FOXF2: variants seen among roughly 807,000 people sequenced by gnomAD.
The protein encoded by FOXF2 is forkhead box F2.
A neutral mutation model predicts 29.1 loss-of-function variants in FOXF2; 15 were observed. The observed-to-expected ratio is 0.52, with a 90% CI of 0.35 to 0.79. FOXF2 has a LOEUF of 0.79. FOXF2 is among the 30% of genes least tolerant of loss of function. FOXF2 has a pLI of 0.01. For missense variants in FOXF2, 675 were observed against 667.1 expected (o/e 1.01, Z -0.13); for synonymous variants, 337 against 316.5 (o/e 1.06, Z -0.69).
chr6:1,391,176 C>T (rs1239413584), intron 1 of FOXF2, 58 bp downstream of exon 1: 1 of 1,582,778 alleles, frequency 6.3e-7, no homozygotes, highest in African/African-American at 1.3e-5. Context: ...GCCTCCAGGG[C>T]TGGCGGCCAC....
In FOXF2 at chr6:1,390,805, C is replaced by T. The variant is rs1177620124; in HGVS notation, c.858C>T (p.Ala286=). 2.9e-6 allele frequency: 4 copies of T among 1,388,362 alleles called. No homozygotes were observed. The highest frequency in any genetic ancestry group is 3.7e-6 in the Non-Finnish European group (4 of 1,083,652). 86.0% of individuals were successfully genotyped at this position (1,388,362 alleles called of 1,614,324 possible). A position where few individuals can be genotyped will look rare whatever the true frequency, so the allele number is the denominator to read the frequency against. ...MSPNPGSTYM[A]SCPVPAGPGG... ...CCAACCCGGGTTCCACCTACATGGCCAGCTGCCCGGTGCCCGCGGGACCCG... is the reference window on the plus strand; with the variant it reads ...CCAACCCGGGTTCCACCTACATGGCTAGCTGCCCGGTGCCCGCGGGACCCG... The change falls in exon 1 of 2, where the codon GCC becomes GCT. Residue 286 remains alanine (A), a synonymous_variant. Transcript: ENST00000645481. This position sits in a 1 kb window ranked among gnomAD's most constrained non-coding sequence, Gnocchi z 8.5.
chr6:1,393,842 G>A (rs1417085771), intron 1 of FOXF2, among the ~76,000 whole-genome samples: 1 of 152,204 alleles, frequency 6.6e-6, no homozygotes, highest in Non-Finnish European at 1.5e-5. Flanking sequence ...ATTGCGCCCC[G>A]GGGCCAGGAG....
rs777367099 is a variant in FOXF2 at position 1,390,010 on chromosome 6, C to A, written c.63C>A (p.Gly21=). The A allele has an allele frequency of 7.2e-5, 82 of 1,144,752 alleles. 1 individual carries two copies. In the South Asian group the frequency reaches 9.5e-4, roughly 13 times the overall value. 70.9% of individuals were successfully genotyped at this position (1,144,752 alleles called of 1,614,324 possible). The change falls in exon 1 of 2, where the codon GGC becomes GGA. Residue 21 remains glycine (G), a synonymous_variant. Coordinates refer to ENST00000645481, the MANE Select transcript of FOXF2 (RefSeq NM_001452.2). The surrounding 1 kb of genome is among the most constrained non-coding windows in gnomAD (Gnocchi z 8.5). Reference sequence around the variant, plus strand: ...GCCGCGCGTGCAGCCCGGTCCCCGGCGCGCTCCAGGCCGCCCTGATGAGCC... The same window carrying A: ...GCCGCGCGTGCAGCCCGGTCCCCGGAGCGCTCCAGGCCGCCCTGATGAGCC... ...PLRRACSPVP[G]ALQAALMSPP... is the part of the protein sequence containing the mutation.
Position 1,390,979 on chromosome 6 carries a change from C to A in FOXF2, c.1032C>A (p.Gly344=). ...CTGCGGCGCACTGGAGCTCGCCTGGCGCCTCGCCTTACCTCAAGCAGCCGC... is the reference window on the plus strand; with the variant it reads ...CTGCGGCGCACTGGAGCTCGCCTGGAGCCTCGCCTTACCTCAAGCAGCCGC... ...TSPAAHWSSP[G]ASPYLKQPPA... The change falls in exon 1 of 2, where the codon GGC becomes GGA. Residue 344 remains glycine, a synonymous_variant. Transcript: ENST00000645481. This position sits in a 1 kb window ranked among gnomAD's most constrained non-coding sequence, Gnocchi z 8.5. The A allele has an allele frequency of 1.9e-6, 3 of 1,595,022 alleles. No homozygotes were observed. The highest frequency in any genetic ancestry group is 2.5e-6 in the Non-Finnish European group (3 of 1,177,646).
chr6:1,395,180 G>C lies in FOXF2; in HGVS notation c.*321G>C. The C allele has an allele frequency of 2.6e-6, 1 of 389,590 alleles. No individual in the cohort carries two copies. Among genetic ancestry groups the C allele is most frequent in the Non-Finnish European group, 4.8e-6 (1 of 208,900 alleles). 24.1% of individuals were successfully genotyped at this position (389,590 alleles called of 1,614,324 possible). On this transcript the variant is annotated 3_prime_UTR_variant, in exon 2 of 2. Coordinates refer to ENST00000645481, the MANE Select transcript of FOXF2 (RefSeq NM_001452.2). ...GGATCTTCGTTGCCTTCAGTAATCA[G>C]GGTGTGAAAAAAGCAGACAAGTTGT...
rs1411560832 is a variant in FOXF2 at position 1,390,202 on chromosome 6, C to G, written c.255C>G (p.Ser85Arg). ...SAGGGGAGAGSGGAKKASSGL... is the reference protein window; with the variant it reads ...SAGGGGAGAGRGGAKKASSGL... ...GCGGCGGCGGCGCGGGCGCCGGGAGCGGGGGCGCCAAGAAGGCGAGCTCGG... is the reference window on the plus strand; with the variant it reads ...GCGGCGGCGGCGCGGGCGCCGGGAGGGGGGGCGCCAAGAAGGCGAGCTCGG... The change falls in exon 1 of 2, where the codon AGC becomes AGG. Residue 85 changes from serine (S) to arginine (R), a missense_variant. Physicochemically the swap from Ser to Arg is moderately radical, Grantham distance 110. This residue lies in a region of FOXF2 where 220 missense variants were observed against 205.5 expected (regional missense o/e 1.07). Coordinates refer to ENST00000645481, the MANE Select transcript of FOXF2 (RefSeq NM_001452.2). This position sits in a 1 kb window ranked among gnomAD's most constrained non-coding sequence, Gnocchi z 8.5. 3.3e-6 allele frequency: 5 copies of G among 1,519,006 alleles called. No homozygotes were observed. In the Admixed American group the frequency reaches 1.1e-4, roughly 32 times the overall value. The allele number at this position is 1,519,006 out of a possible 1,614,324, so 94.1% of individuals were successfully genotyped here.
In FOXF2 at chr6:1,390,089, TC is replaced by T; in HGVS notation, c.144del (p.Ser49ArgfsTer73). On this transcript the variant is annotated frameshift_variant, in exon 1 of 2. Transcript: ENST00000645481. LOFTEE classifies it high-confidence loss of function. The surrounding 1 kb of genome is among the most constrained non-coding windows in gnomAD (Gnocchi z 8.5). The stretch of plus-strand genomic sequence containing the variant: ...CGCCGCCCCGGAGACCACCTCCTCC[TC>T]CTCGTCGTCGTCCTCCGCCTCCTGC... ...AAAAPETTSS[S>X]SSSSSASCAS... 1 of 1,421,570 alleles carries T rather than the reference TC, an allele frequency of 7.0e-7. No individual in the cohort carries two copies. The highest frequency in any genetic ancestry group is 9.3e-7 in the Non-Finnish European group (1 of 1,076,704). 88.1% of individuals were successfully genotyped at this position (1,421,570 alleles called of 1,614,324 possible). A position where few individuals can be genotyped will look rare whatever the true frequency, so the allele number is the denominator to read the frequency against.
chr6:1,392,434 T>TCACACACACCCA (rs1758807154), intron 1 of FOXF2, among the ~76,000 whole-genome samples: 1 of 107,676 alleles, frequency 9.3e-6, no homozygotes, highest in African/African-American at 3.4e-5. Flanking sequence ...CGGCTGTCAA[T>TCACACACACCCA]CACACACACA....
At position 1,390,761 on chromosome 6, in the gene FOXF2, C is replaced by T; in HGVS notation, c.814C>T (p.His272Tyr). 1 of 1,396,768 alleles carries T rather than the reference C, an allele frequency of 7.2e-7. No homozygotes were observed. The highest frequency in any genetic ancestry group is 9.2e-7 in the Non-Finnish European group (1 of 1,086,540). 86.5% of individuals were successfully genotyped at this position (1,396,768 alleles called of 1,614,324 possible). ...HAHPHHHHHH[H>Y]VPHMSPNPGS... Reference sequence around the variant, plus strand: ...GCACCCTCACCACCACCACCACCACCACGTCCCGCACATGTCGCCCAACCC... The same window carrying T: ...GCACCCTCACCACCACCACCACCACTACGTCCCGCACATGTCGCCCAACCC... Residue 272 changes from histidine to tyrosine, a missense_variant, in exon 1 of 2, where the codon CAC (histidine) becomes TAC (tyrosine). This residue lies in a region of FOXF2 where 451 missense variants were observed against 437.2 expected (regional missense o/e 1.03). Coordinates refer to ENST00000645481, the MANE Select transcript of FOXF2 (RefSeq NM_001452.2). This position sits in a 1 kb window ranked among gnomAD's most constrained non-coding sequence, Gnocchi z 8.5.
In FOXF2 at chr6:1,394,688, T is replaced by A; in HGVS notation, c.1172-8T>A. 1 of 1,614,094 alleles carries A rather than the reference T, an allele frequency of 6.2e-7. No individual in the cohort carries two copies. Among genetic ancestry groups the A allele is most frequent in the South Asian group, 1.1e-5 (1 of 91,082 alleles). On this transcript the variant is annotated splice_polypyrimidine_tract_variant and splice_region_variant and intron_variant, in intron 1 of 1. Transcript: ENST00000645481. ...TCTGAAGAGGTTTTTTTTTCTTTCT[T>A]CTTTCAGTGGGACTGCCCCGTTACC...
Position 1,390,063 on chromosome 6 carries a change from C to T in FOXF2, c.116C>T (p.Ala39Val), listed in dbSNP as rs1240095468. Residue 39 changes from alanine to valine, a missense_variant, in exon 1 of 2, where the codon GCC becomes GTC. Around this residue, in one of 3 missense-constraint regions of FOXF2, gnomAD observed 220 missense variants for 205.5 expected, o/e 1.07. Transcript: ENST00000645481. The surrounding 1 kb of genome is among the most constrained non-coding windows in gnomAD (Gnocchi z 8.5). ...SPPPAAAAAA[A>V]AAPETTSSSS... Reference sequence around the variant, plus strand: ...CCGCCCGCCGCCGCCGCCGCCGCCGCCGCCGCCCCGGAGACCACCTCCTCC... The same window carrying T: ...CCGCCCGCCGCCGCCGCCGCCGCCGTCGCCGCCCCGGAGACCACCTCCTCC... 2.9e-6 allele frequency: 4 copies of T among 1,397,840 alleles called. No homozygotes were observed. In the African/African-American group the frequency reaches 4.5e-5, roughly 16 times the overall value. 86.6% of individuals were successfully genotyped at this position (1,397,840 alleles called of 1,614,324 possible).
At chr6:1,391,752 A>G (rs1285120695) in intron 1 of FOXF2, among the ~76,000 whole-genome samples, 1 of 151,962 alleles carries the variant, frequency 6.6e-6, no homozygotes, top group Non-Finnish European at 1.5e-5. Flanking sequence ...CCGCCCAACA[A>G]TGGACCCACA....
Position 1,390,492 on chromosome 6 carries a change from T to G in FOXF2, c.545T>G (p.Phe182Cys). The G allele has an allele frequency of 1.2e-6, 2 of 1,611,772 alleles. No homozygotes were observed. The highest frequency in any genetic ancestry group is 1.7e-6 in the Non-Finnish European group (2 of 1,179,802). Reference protein sequence around the residue: ...HYWTIDPASEFMFEEGSFRRR... With the variant: ...HYWTIDPASECMFEEGSFRRR... Reference sequence around the variant, plus strand: ...TGGACCATCGACCCGGCCAGCGAGTTCATGTTCGAGGAGGGCTCGTTCCGC... The same window carrying G: ...TGGACCATCGACCCGGCCAGCGAGTGCATGTTCGAGGAGGGCTCGTTCCGC... The change falls in exon 1 of 2, where the codon TTC becomes TGC. Residue 182 changes from phenylalanine to cysteine, a missense_variant. Around this residue, in one of 3 missense-constraint regions of FOXF2, gnomAD observed 451 missense variants for 437.2 expected, o/e 1.03. Coordinates refer to ENST00000645481, the MANE Select transcript of FOXF2 (RefSeq NM_001452.2). This position sits in a 1 kb window ranked among gnomAD's most constrained non-coding sequence, Gnocchi z 8.5.
At position 1,394,793 on chromosome 6, in the gene FOXF2, T is replaced by C; in HGVS notation, c.1269T>C (p.Ala423=). The C allele has an allele frequency of 6.2e-7, 1 of 1,614,094 alleles. No homozygotes were observed. The highest frequency in any genetic ancestry group is 8.5e-7 in the Non-Finnish European group (1 of 1,179,966). ...FNGISSFHPS[A]SGSYYHHHHQ... is the part of the protein sequence containing the mutation. Reference sequence around the variant, plus strand: ...GGATTTCTTCTTTCCATCCCTCAGCTAGCGGGTCGTATTATCACCATCACC... The same window carrying C: ...GGATTTCTTCTTTCCATCCCTCAGCCAGCGGGTCGTATTATCACCATCACC... The change falls in exon 2 of 2, where the codon GCT becomes GCC. Residue 423 remains alanine, a synonymous_variant. Coordinates refer to ENST00000645481, the MANE Select transcript of FOXF2 (RefSeq NM_001452.2).
Position 1,393,860 on chromosome 6 carries a change from G to GAAAGCA in FOXF2, c.1172-824_1172-819dup, listed in dbSNP as rs1020032475. ...GCGCCCCGGGGCCAGGAGGCGCCGA[G>GAAAGCA]AAAGCAAAAGCAAAAGCCGGCGGCG... On this transcript the variant is annotated intron_variant, in intron 1 of 1. Transcript: ENST00000645481. Among the ~76,000 whole-genome samples, 22 of 152,324 alleles carry GAAAGCA rather than the reference G, an allele frequency of 1.4e-4. No homozygotes were observed. In the South Asian group the frequency reaches 1.7e-3, roughly 11 times the overall value.
intron 1 of FOXF2, among the ~76,000 whole-genome samples, chr6:1,392,165 C>T (rs936867726): frequency 1.3e-5 from 2 of 152,038 alleles, no homozygotes; most frequent in Non-Finnish European, 2.9e-5. Flanking sequence ...CGGTGTGCAG[C>T]GGGAGCACCC....
chr6:1,391,061 T>C lies in FOXF2; in HGVS notation c.1114T>C (p.Ser372Pro). The change falls in exon 1 of 2, where the codon TCC becomes CCC. Residue 372 changes from serine to proline, a missense_variant. By Grantham distance (74) the Ser-to-Pro change is moderately conservative. Coordinates refer to ENST00000645481, the MANE Select transcript of FOXF2 (RefSeq NM_001452.2). ...AASAGLHSSM[S>P]SYSLEQSYLH... ...CTCGGCAGGCCTGCACTCCAGCATG[T>C]CCTCCTACTCGCTGGAGCAGAGCTA... 6.2e-7 allele frequency: 1 copy of C among 1,603,054 alleles called. No homozygotes were observed.
rs1758741576 is a variant in FOXF2 at position 1,390,029 on chromosome 6, A to G, written c.82A>G (p.Met28Val). The change falls in exon 1 of 2, where the codon ATG becomes GTG. Residue 28 changes from methionine to valine, a missense_variant. Around this residue, in one of 3 missense-constraint regions of FOXF2, gnomAD observed 220 missense variants for 205.5 expected, o/e 1.07. Transcript: ENST00000645481. The surrounding 1 kb of genome is among the most constrained non-coding windows in gnomAD (Gnocchi z 8.5). ...PVPGALQAAL[M>V]SPPPAAAAAA... ...CCCCGGCGCGCTCCAGGCCGCCCTG[A>G]TGAGCCCGCCGCCCGCCGCCGCCGC... 7.5e-7 allele frequency: 1 copy of G among 1,328,670 alleles called. No homozygotes were observed. The highest frequency in any genetic ancestry group is 9.6e-7 in the Non-Finnish European group (1 of 1,036,800). 82.3% of individuals were successfully genotyped at this position (1,328,670 alleles called of 1,614,324 possible).
intron 1 of FOXF2, among the ~76,000 whole-genome samples, chr6:1,391,493 T>C (rs1384382161): frequency 6.6e-6 from 1 of 152,242 alleles, no homozygotes; most frequent in Non-Finnish European, 1.5e-5. Flanking sequence ...GGAAGCTGTG[T>C]CTAGTTCCTT....
Sources: allele counts gnomAD v4.1 joint callset (sites outside exome capture counted in the v4.1 genomes callset), GRCh38; gene constraint gnomAD v4.1.1; regional missense constraint gnomAD v4.1.1; non-coding constraint Gnocchi (gnomAD v3.1); transcripts MANE v1.5; gene names NCBI Gene and HGNC (gene_info 2026-07-23, HGNC 2026-07-21).